TCTN2: variants seen among roughly 807,000 people sequenced by gnomAD.
The protein encoded by TCTN2 is tectonic family member 2.
A neutral mutation model predicts 83.4 loss-of-function variants in TCTN2; 66 were observed. The observed-to-expected ratio is 0.79, with a 90% confidence interval of 0.65 to 0.97. TCTN2 has a LOEUF of 0.97. Among genes scored for constraint, TCTN2 ranks in the 50% least tolerant of loss-of-function variants. The pLI, the probability that TCTN2 is intolerant of heterozygous loss-of-function variation, is 0.00. For synonymous variants in TCTN2, 301 were observed against 326.7 expected, an observed-to-expected ratio of 0.92 and a Z score of 0.85; for missense variants, 794 against 858.1, an observed-to-expected ratio of 0.93 and a Z score of 0.93.
chr12:123,695,767 C>G (rs1956100188), intron 11 of TCTN2: 1 of 160,988 alleles, frequency 6.2e-6, no homozygotes, highest in Non-Finnish European at 1.4e-5. Context: ...ATCCCCTGGC[C>G]TTAGCCTCCC....
In TCTN2 at chr12:123,687,038, A is replaced by G. The variant is rs1301815902; in HGVS notation, c.764+3A>G. 6.2e-7 allele frequency: 1 copy of G among 1,613,954 alleles called. No homozygotes were observed. The highest frequency in any genetic ancestry group is 8.5e-7 in the Non-Finnish European group (1 of 1,179,994). ...GGTTACTTCTATCATGGTGCTGTGT[A>G]AGTGTCTGAGCAGCCGCCTGGGATG... On this transcript the variant is annotated splice_donor_region_variant and intron_variant, in intron 6 of 17. Transcript: ENST00000303372.
intron 14 of TCTN2, among the ~76,000 whole-genome samples, chr12:123,701,478 T>TGC (rs1566261747): frequency 2.6e-5 from 4 of 152,116 alleles, no homozygotes; most frequent in Non-Finnish European, 5.9e-5. Context: ...GTGGCTCATA[T>TGC]CTGTAATCCC....
chr12:123,688,833 G>A (rs941562809), intron 7 of TCTN2, among the ~76,000 whole-genome samples: 1 of 151,504 alleles, frequency 6.6e-6, no homozygotes, highest in East Asian at 1.9e-4. Flanking sequence ...TCAGCTCACC[G>A]CAACCTCTGC....
rs751298784 is a variant in TCTN2 at position 123,704,611 on chromosome 12, G to C, written c.1692G>C (p.Leu564=). The stretch of plus-strand genomic sequence containing the variant: ...TGTGCCTGGATATTCCTGCTCACCT[G>C]AGCATCCGCATCCTCATCTCGGATG... ...NGMCLDIPAH[L]SIRILISDAG... is the part of the protein sequence containing the mutation. Residue 564 remains leucine, a synonymous_variant, in exon 15 of 18, where the codon CTG becomes CTC. Coordinates refer to ENST00000303372, the MANE Select transcript of TCTN2 (RefSeq NM_024809.5). 3 of 1,613,084 alleles carry C rather than the reference G, an allele frequency of 1.9e-6. No homozygotes were observed. In the African/African-American group the frequency reaches 4.0e-5, roughly 22 times the overall value.
rs143972592 is a variant in TCTN2 at position 123,693,284 on chromosome 12, C to T, written c.1099+561C>T. Among the ~76,000 whole-genome samples, 907 of 151,446 alleles carry T rather than the reference C, an allele frequency of 6.0e-3. 9 individuals are homozygous for T. Among genetic ancestry groups the T allele is most frequent in the African/African-American group, 0.021 (849 of 41,308 alleles). Reference sequence around the variant, plus strand: ...CAGGTGATCCACTTGCCTTGGCCTCCCAAAGTGCTGGGATTATAGGTGTGA... The same window carrying T: ...CAGGTGATCCACTTGCCTTGGCCTCTCAAAGTGCTGGGATTATAGGTGTGA... On this transcript the variant is annotated intron_variant, in intron 9 of 17. Transcript: ENST00000303372.
At chr12:123,704,752 CA>C (rs1956211220) in intron 15 of TCTN2, 64 bp downstream of exon 15, 1 of 1,548,862 alleles carries the variant, frequency 6.5e-7, no homozygotes, top group Admixed American at 1.7e-5. Flanking sequence ...GCATCCCAAA[CA>C]ATAGGGAAAT....
At chr12:123,695,025 T>A in intron 10 of TCTN2, 49 bp downstream of exon 10, 2 of 1,606,178 alleles carry the variant, frequency 1.2e-6, no homozygotes, top group Non-Finnish European at 1.7e-6. Context: ...AAGTATTTTT[T>A]TTTCCTCTTT....
Position 123,672,122 on chromosome 12 carries a change from TC to T in TCTN2, c.261del (p.Gly88ValfsTer7). 6.2e-7 allele frequency: 1 copy of T among 1,614,152 alleles called. No homozygotes were observed. The highest frequency in any genetic ancestry group is 2.2e-5 in the East Asian group (1 of 44,886). ...ACGGAAGACTGGAGCGTGACTGTGA[TC>T]CCCGGTGCGGTAAGGCCAGAAGTAA... ...NETEDWSVTV[I>X]PGAKVLEVTV... On this transcript the variant is annotated frameshift_variant, in exon 3 of 18. Coordinates refer to ENST00000303372, the MANE Select transcript of TCTN2 (RefSeq NM_024809.5). LOFTEE classifies it high-confidence loss of function.
chr12:123,705,497 A>G (rs1956218607), intron 15 of TCTN2, among the ~76,000 whole-genome samples: 1 of 152,124 alleles, frequency 6.6e-6, no homozygotes, highest in Non-Finnish European at 1.5e-5. Context: ...CGCCCAGTTC[A>G]TACTGACTTA....
chr12:123,705,512 A>C (rs1387376402), intron 15 of TCTN2, among the ~76,000 whole-genome samples: 1 of 152,114 alleles, frequency 6.6e-6, no homozygotes, highest in Non-Finnish European at 1.5e-5. Context: ...GACTTAAGCA[A>C]AAAGGGGAGT....
intron 5 of TCTN2, among the ~76,000 whole-genome samples, chr12:123,684,486 C>T (rs989862710): frequency 3.3e-5 from 5 of 150,980 alleles, no homozygotes; most frequent in African/African-American, 4.9e-5. Flanking sequence ...CTGCAACCTC[C>T]GCCTCCCGGG....
rs773680296 is a variant in TCTN2, at chr12:123,707,037, C to A, written c.1948C>A (p.Pro650Thr). 1 of 1,613,644 alleles carries A rather than the reference C, an allele frequency of 6.2e-7. No individual in the cohort carries two copies. Among genetic ancestry groups the A allele is most frequent in the South Asian group, 1.1e-5 (1 of 91,082 alleles). The change falls in exon 17 of 18, where the codon CCG (proline) becomes ACG (threonine). Residue 650 changes from proline to threonine, a missense_variant. By Grantham distance (38) the Pro-to-Thr change is conservative. Coordinates refer to ENST00000303372, the MANE Select transcript of TCTN2 (RefSeq NM_024809.5). ...CTGCAACAGAAATGAGGTGTGTTGG[C>A]CGCAGCTTCTATATCCATGGACTCA... ...YDCNRNEVCW[P>T]QLLYPWTQYY...
chr12:123,696,706 G>T (rs1593859621), intron 12 of TCTN2: 2 of 595,234 alleles, frequency 3.4e-6, no homozygotes, highest in African/African-American at 1.9e-5. Context: ...CACCTGAAGT[G>T]CTGGTTGCTA....
chr12:123,689,827 T>C (rs569653566), intron 7 of TCTN2, among the ~76,000 whole-genome samples: 1 of 152,334 alleles, frequency 6.6e-6, no homozygotes, highest in South Asian at 2.1e-4. Flanking sequence ...AATGACAGGG[T>C]CTTGCTCTGT....
intron 8 of TCTN2, among the ~76,000 whole-genome samples, chr12:123,691,404 G>A (rs1431033553): frequency 6.6e-6 from 1 of 152,294 alleles, no homozygotes; most frequent in East Asian, 1.9e-4. Context: ...TACACTATGT[G>A]GCCTTTTGTG....
At chr12:123,681,762 T>C (rs900364879) in intron 5 of TCTN2, among the ~76,000 whole-genome samples, 2 of 152,132 alleles carry the variant, frequency 1.3e-5, no homozygotes, top group Non-Finnish European at 2.9e-5. Context: ...ATATATATAG[T>C]GGAGTTGCTG....
At chr12:123,700,420 G>GT (rs560932710) in intron 14 of TCTN2, among the ~76,000 whole-genome samples, 6 of 152,022 alleles carry the variant, frequency 3.9e-5, no homozygotes, top group Admixed American at 1.3e-4. Context: ...CTTGAGGCCA[G>GT]TTTTTTTGTT....
At chr12:123,696,550 T>C (rs920247387) in intron 12 of TCTN2, 55 bp downstream of exon 12, 9 of 1,456,894 alleles carry the variant, frequency 6.2e-6, no homozygotes, top group Non-Finnish European at 6.8e-6. Flanking sequence ...GTTAGAAGTA[T>C]TACCATATTT....
At chr12:123,692,275 C>T (rs1012831502) in intron 8 of TCTN2, among the ~76,000 whole-genome samples, 2 of 152,102 alleles carry the variant, frequency 1.3e-5, no homozygotes, top group Admixed American at 1.3e-4. Flanking sequence ...CTCAAACTGA[C>T]CTCAGGCAAT....
Sources: allele counts gnomAD v4.1 joint callset (sites outside exome capture counted in the v4.1 genomes callset), GRCh38; gene constraint gnomAD v4.1.1; transcripts MANE v1.5; gene names NCBI Gene and HGNC (gene_info 2026-07-23, HGNC 2026-07-21).